The following SKAP1 variants were observed in gnomAD, a reference collection of about 807,000 sequenced individuals.
SKAP1 encodes the protein src kinase associated phosphoprotein 1.
A neutral mutation model predicts 58.5 loss-of-function variants in SKAP1; 44 were observed. The ratio of observed to expected loss-of-function variants is 0.75; its 90% CI spans 0.59 to 0.97. The LOEUF is 0.97. SKAP1 is among the 50% of genes least tolerant of loss of function. The probability of loss-of-function intolerance (pLI) is 0.00; values close to 1 mark genes in which losing one functional copy is unlikely to be tolerated. For synonymous variants in SKAP1, 127 were observed against 149.7 expected, an observed-to-expected ratio of 0.85 and a Z score of 1.11; for missense variants, 390 against 435.2, an observed-to-expected ratio of 0.90 and a Z score of 0.92.
intron 1 of SKAP1, among the ~76,000 whole-genome samples, chr17:48,420,492 G>A (rs978272638): frequency 6.6e-6 from 1 of 152,104 alleles, no homozygotes. Context: ...TTTTACTTTA[G>A]ATAGGATAAA....
At chr17:48,198,687 T>C (rs1288744485) in intron 4 of SKAP1, among the ~76,000 whole-genome samples, 1 of 152,190 alleles carries the variant, frequency 6.6e-6, no homozygotes, top group Non-Finnish European at 1.5e-5. Context: ...TTGTGTTCCT[T>C]CAAAACCATG....
intron 3 of SKAP1, among the ~76,000 whole-genome samples, chr17:48,353,588 T>C (rs997751763): frequency 6.6e-6 from 1 of 152,100 alleles, no homozygotes; most frequent in Non-Finnish European, 1.5e-5. Context: ...TGGATTCCAA[T>C]ATCTTCCATT....
intron 9 of SKAP1, among the ~76,000 whole-genome samples, chr17:48,177,943 C>A (rs747203083): frequency 6.6e-6 from 1 of 152,124 alleles, no homozygotes; most frequent in Non-Finnish European, 1.5e-5. Context: ...GTGTGGCCTT[C>A]CTCACTTCCA....
intron 3 of SKAP1, among the ~76,000 whole-genome samples, chr17:48,346,744 C>T (rs1287786516): frequency 4.6e-5 from 7 of 152,070 alleles, no homozygotes; most frequent in African/African-American, 1.7e-4. Context: ...ACCTTCTATA[C>T]ATAATATAAT....
At chr17:48,369,481 A>T (rs2067056589) in intron 2 of SKAP1, among the ~76,000 whole-genome samples, 1 of 126,344 alleles carries the variant, frequency 7.9e-6, no homozygotes, top group South Asian at 2.6e-4. Context: ...ACAGAGTGAG[A>T]CCCTCTCTCA....
chr17:48,384,831 G>A (rs990489501), intron 2 of SKAP1, among the ~76,000 whole-genome samples: 1 of 152,162 alleles, frequency 6.6e-6, no homozygotes, highest in African/African-American at 2.4e-5. Flanking sequence ...ATGCTGTCTG[G>A]TGCCTTGGAG....
In SKAP1 at chr17:48,180,207, C is replaced by T. The variant is rs868776600; in HGVS notation, c.673G>A (p.Glu225Lys). 2.5e-6 allele frequency: 4 copies of T among 1,607,416 alleles called. No homozygotes were observed. The highest frequency in any genetic ancestry group is 2.6e-6 in the Non-Finnish European group (3 of 1,176,450). Residue 225 changes from glutamate to lysine, a missense_variant, in exon 9 of 13, where the codon GAA (glutamate) becomes AAA (lysine). Physicochemically the swap from Glu to Lys is moderately conservative, Grantham distance 56 (BLOSUM62 1). Coordinates refer to ENST00000336915, the MANE Select transcript of SKAP1 (RefSeq NM_003726.4). ...TCATATGTCTCTTCTTTTTCTTCTT[C>T]CTCCTCATCCTCTTCATATGGAATG... Reference protein sequence around the residue: ...LTIPYEEDEEEEEKEETYDDI... With the variant: ...LTIPYEEDEEKEEKEETYDDI...
At chr17:48,292,452 T>C (rs1170116441) in intron 4 of SKAP1, among the ~76,000 whole-genome samples, 1 of 152,174 alleles carries the variant, frequency 6.6e-6, no homozygotes, top group African/African-American at 2.4e-5. Flanking sequence ...GTTTTGCTAA[T>C]TTAAAATGAG....
At chr17:48,347,243 C>A (rs1567877211) in intron 3 of SKAP1, among the ~76,000 whole-genome samples, 1 of 152,148 alleles carries the variant, frequency 6.6e-6, no homozygotes. Flanking sequence ...ATAGGATTTT[C>A]AACTGAATTT....
At chr17:48,329,208 G>A (rs2144257830) in intron 4 of SKAP1, among the ~76,000 whole-genome samples, 1 of 152,224 alleles carries the variant, frequency 6.6e-6, no homozygotes, top group Non-Finnish European at 1.5e-5. Context: ...GGAAAGGTAT[G>A]AATTTTGAAA....
intron 3 of SKAP1, among the ~76,000 whole-genome samples, chr17:48,361,099 C>CTA (rs1216585946): frequency 2.6e-5 from 4 of 151,462 alleles, no homozygotes; most frequent in Non-Finnish European, 4.4e-5. Context: ...CTATACTATA[C>CTA]TATACTATAC....
At chr17:48,330,091 G>C (rs187947977) in intron 4 of SKAP1, among the ~76,000 whole-genome samples, 1 of 152,152 alleles carries the variant, frequency 6.6e-6, no homozygotes, top group African/African-American at 2.4e-5. Flanking sequence ...ATGAAGGCCA[G>C]GCTAATAAAT....
At chr17:48,319,844 A>AAAAC (rs1374679677) in intron 4 of SKAP1, among the ~76,000 whole-genome samples, 1 of 152,174 alleles carries the variant, frequency 6.6e-6, no homozygotes, top group Non-Finnish European at 1.5e-5. Context: ...CGTGTCTCAA[A>AAAAC]AAACAAACAA....
intron 4 of SKAP1, among the ~76,000 whole-genome samples, chr17:48,232,071 A>G (rs1329450066): frequency 6.6e-6 from 1 of 152,226 alleles, no homozygotes; most frequent in Non-Finnish European, 1.5e-5. Context: ...TCTTCACCCT[A>G]CAAACCACAT....
At chr17:48,320,911 T>A (rs947020727) in intron 4 of SKAP1, among the ~76,000 whole-genome samples, 1 of 152,226 alleles carries the variant, frequency 6.6e-6, no homozygotes, top group Admixed American at 6.5e-5. Flanking sequence ...TTGAATACAT[T>A]ACACGTCAAA....
At chr17:48,346,460 C>T (rs2066724748) in intron 3 of SKAP1, among the ~76,000 whole-genome samples, 1 of 151,926 alleles carries the variant, frequency 6.6e-6, no homozygotes, top group African/African-American at 2.4e-5. Context: ...CCTCTCTCCA[C>T]TAAAAATACA....
chr17:48,205,015 T>TTCTTTCTC, intron 4 of SKAP1, among the ~76,000 whole-genome samples: 1 of 55,746 alleles, frequency 1.8e-5, no homozygotes, highest in East Asian at 4.8e-4. Flanking sequence ...CTTTCTTTCT[T>TTCTTTCTC]TTTCTTTCTT....
chr17:48,444,000 A>AT, the SKAP1 span, among the ~76,000 whole-genome samples: 3 of 152,036 alleles, frequency 2.0e-5, no homozygotes, highest in Non-Finnish European at 4.4e-5. Context: ...ATTAATTTAC[A>AT]TTTTTTTCTG....
intron 4 of SKAP1, among the ~76,000 whole-genome samples, chr17:48,277,061 G>A (rs1179868643): frequency 2.0e-5 from 3 of 152,128 alleles, no homozygotes; most frequent in Non-Finnish European, 4.4e-5. Context: ...TGGTCAATAA[G>A]CATCATAGGC....
Sources: gnomAD v4.1 joint callset for allele counts (sites outside exome capture counted in the v4.1 genomes callset) on GRCh38, gnomAD v4.1.1 for gene constraint, MANE v1.5 for transcripts, NCBI Gene and HGNC (gene_info 2026-07-23, HGNC 2026-07-21) for gene names.